The following PHACTR1 variants were observed in gnomAD, a reference collection of about 807,000 sequenced individuals.
The protein encoded by PHACTR1 is RPEL repeat containing 1.
PHACTR1 carries 16 observed loss-of-function variants against 69.2 expected under a neutral mutation model. The observed-to-expected ratio is 0.23, with a 90% CI of 0.16 to 0.35. The LOEUF is 0.35. Among genes scored for constraint, PHACTR1 ranks in the 10% least tolerant of loss-of-function variants. The pLI, the probability that PHACTR1 is intolerant of heterozygous loss-of-function variation, is 1.00. For missense variants in PHACTR1, 510 were observed against 734.7 expected, an observed-to-expected ratio of 0.69 and a Z score of 3.54; for synonymous variants, 312 against 284.5, an observed-to-expected ratio of 1.10 and a Z score of -0.97.
intron 7 of PHACTR1, chr6:13,185,018 G>T (rs778361832): frequency 7.4e-7 from 1 of 1,348,234 alleles, no homozygotes; most frequent in South Asian, 1.2e-5. Flanking sequence ...GAGTGCAGAC[G>T]TCTTCTGGGG....
chr6:12,741,511 T>A (rs1765036837), intron 3 of PHACTR1, among the ~76,000 whole-genome samples: 1 of 152,182 alleles, frequency 6.6e-6, no homozygotes, highest in Non-Finnish European at 1.5e-5. Context: ...AAACTATTTC[T>A]TGAAAAGTCC....
intron 5 of PHACTR1, among the ~76,000 whole-genome samples, chr6:13,110,719 C>T (rs1352640036): frequency 6.6e-6 from 1 of 152,186 alleles, no homozygotes; most frequent in Non-Finnish European, 1.5e-5. Context: ...GATCACAGGG[C>T]TCACTTCATT....
chr6:13,095,618 C>T (rs944166217), intron 5 of PHACTR1, among the ~76,000 whole-genome samples: 2 of 152,084 alleles, frequency 1.3e-5, no homozygotes, highest in Non-Finnish European at 2.9e-5. Flanking sequence ...CATAAATCTG[C>T]TCACAGCTGG....
intron 3 of PHACTR1, among the ~76,000 whole-genome samples, chr6:12,744,884 A>AT (rs533931301): frequency 5.3e-5 from 8 of 151,530 alleles, no homozygotes; most frequent in Non-Finnish European, 5.9e-5. Flanking sequence ...TATCTCTGGA[A>AT]TTTTTTTTTA....
chr6:13,118,863 A>G (rs1818219520), intron 5 of PHACTR1, among the ~76,000 whole-genome samples: 2 of 152,108 alleles, frequency 1.3e-5, no homozygotes, highest in African/African-American at 4.8e-5. Context: ...AACTCTATTT[A>G]GCTACATACT....
intron 4 of PHACTR1, among the ~76,000 whole-genome samples, chr6:12,812,958 A>G (rs1775189715): frequency 1.3e-5 from 2 of 152,248 alleles, no homozygotes; most frequent in Admixed American, 6.5e-5. Context: ...TTGAATATGC[A>G]TGAGCATGAC....
chr6:13,146,041 A>C (rs1823297834), intron 5 of PHACTR1, among the ~76,000 whole-genome samples: 1 of 152,236 alleles, frequency 6.6e-6, no homozygotes, highest in Non-Finnish European at 1.5e-5. Context: ...TTAAAAAGGC[A>C]GTGATAATGT....
intron 5 of PHACTR1, among the ~76,000 whole-genome samples, chr6:13,152,052 G>T (rs2113458002): frequency 6.6e-6 from 1 of 152,194 alleles, no homozygotes. Context: ...TCAATGTCAG[G>T]CTGGGCGCAG....
chr6:13,083,471 A>G (rs1439747621), intron 5 of PHACTR1, among the ~76,000 whole-genome samples: 1 of 151,616 alleles, frequency 6.6e-6, no homozygotes, highest in East Asian at 1.9e-4. Context: ...GTTTTTTCCA[A>G]TTCTGTGAAG....
At chr6:12,973,369 G>T (rs1388873067) in intron 4 of PHACTR1, among the ~76,000 whole-genome samples, 2 of 152,088 alleles carry the variant, frequency 1.3e-5, no homozygotes, top group African/African-American at 4.8e-5. Context: ...ACTTGATCAT[G>T]AGCCATGAAG....
chr6:13,150,167 C>T (rs1824084244), intron 5 of PHACTR1, among the ~76,000 whole-genome samples: 1 of 151,950 alleles, frequency 6.6e-6, no homozygotes, highest in Non-Finnish European at 1.5e-5. Context: ...GGCAACATGG[C>T]GAAACCCCAC....
At chr6:12,993,535 G>T (rs896020830) in intron 4 of PHACTR1, among the ~76,000 whole-genome samples, 1 of 152,222 alleles carries the variant, frequency 6.6e-6, no homozygotes, top group Non-Finnish European at 1.5e-5. Flanking sequence ...GATGTGACAG[G>T]CTTGCATTTG....
At position 12,830,584 on chromosome 6, in the gene PHACTR1, C is replaced by CA. The variant is rs34750996; in HGVS notation, c.250+80808dup. Among the ~76,000 whole-genome samples, 165 of 142,600 alleles carry CA rather than the reference C, an allele frequency of 1.2e-3. 1 individual carries two copies. The East Asian group carries it at 0.012, about 10-fold the overall frequency. The allele number at this position is 142,600 out of a possible 152,430, so 93.6% of individuals were successfully genotyped here. A position where few individuals can be genotyped will look rare whatever the true frequency, so the allele number is the denominator to read the frequency against. ...CTGAGTAATACATATTTTTAATTTT[C>CA]AAAAAAAAAAAAAATTTTTTTTGAG... On this transcript the variant is annotated intron_variant, in intron 4 of 14. Coordinates refer to ENST00000332995, the MANE Select transcript of PHACTR1 (RefSeq NM_030948.6).
At chr6:12,918,511 G>A (rs191933243) in intron 4 of PHACTR1, among the ~76,000 whole-genome samples, 56 of 152,252 alleles carry the variant, frequency 3.7e-4, no homozygotes, top group South Asian at 1.2e-3. Flanking sequence ...TTCTGTTGTC[G>A]TACATAAAAT....
At chr6:13,280,834 A>T (rs1780001224) in intron 12 of PHACTR1, 1 of 599,952 alleles carries the variant, frequency 1.7e-6, no homozygotes, top group South Asian at 1.7e-5. Context: ...GCATTCAAGG[A>T]AGGACTTCAG....
chr6:12,943,134 C>T (rs575137053), intron 4 of PHACTR1, among the ~76,000 whole-genome samples: 1 of 152,224 alleles, frequency 6.6e-6, no homozygotes, highest in South Asian at 2.1e-4. Flanking sequence ...CATCAATGAA[C>T]AAAGTGTGGA....
At chr6:12,799,918 A>G (rs939147731) in intron 4 of PHACTR1, among the ~76,000 whole-genome samples, 2 of 152,240 alleles carry the variant, frequency 1.3e-5, no homozygotes, top group Non-Finnish European at 2.9e-5. Flanking sequence ...ACGCTATAGC[A>G]TGTTACACTC....
At chr6:13,060,889 T>G (rs1273215861) in intron 5 of PHACTR1, among the ~76,000 whole-genome samples, 1 of 152,182 alleles carries the variant, frequency 6.6e-6, no homozygotes, top group Admixed American at 6.5e-5. Flanking sequence ...CAAGGGAGAT[T>G]GGGTTAGTTT....
intron 4 of PHACTR1, among the ~76,000 whole-genome samples, chr6:12,898,727 C>T (rs554176432): frequency 3.9e-5 from 6 of 152,292 alleles, no homozygotes; most frequent in South Asian, 2.1e-4. Context: ...CTCTCTCTGT[C>T]GGCCGCAATC....
Sources: allele counts gnomAD v4.1 joint callset (sites outside exome capture counted in the v4.1 genomes callset), GRCh38; gene constraint gnomAD v4.1.1; transcripts MANE v1.5; gene names NCBI Gene and HGNC (gene_info 2026-07-23, HGNC 2026-07-21).